ACTN4: variants seen among roughly 807,000 people sequenced by gnomAD.
ACTN4 encodes the protein actinin alpha 4, also known as alpha-actinin-4.
ACTN4 carries 18 observed loss-of-function variants against 114.2 expected under a neutral mutation model. The observed-to-expected ratio is 0.16, with a 90% CI of 0.11 to 0.23. The LOEUF is 0.23. ACTN4 is among the 10% of genes least tolerant of loss of function. ACTN4 has a pLI of 1.00. For synonymous variants in ACTN4, 515 were observed against 506.3 expected (o/e 1.02, Z -0.23); for missense variants, 722 against 1,262.9 (o/e 0.57, Z 6.49).
At chr19:38,693,827 G>T (rs1968007234) in intron 1 of ACTN4, among the ~76,000 whole-genome samples, 2 of 152,138 alleles carry the variant, frequency 1.3e-5, no homozygotes, top group African/African-American at 4.8e-5. Context: ...TGCTCTTGGG[G>T]CCCCCTGAAG....
chr19:38,721,258 CA>C (rs1306919746), intron 11 of ACTN4, among the ~76,000 whole-genome samples: 1 of 152,176 alleles, frequency 6.6e-6, no homozygotes, highest in African/African-American at 2.4e-5. Context: ...TTCCTACTAA[CA>C]AAAGTTGCTA....
intron 17 of ACTN4, 128 bp downstream of exon 17, chr19:38,726,031 A>G (rs926095062): frequency 3.0e-6 from 4 of 1,321,074 alleles, no homozygotes; most frequent in South Asian, 1.3e-5. Context: ...AAAATTATTG[A>G]AGAGACCAGC....
At chr19:38,647,998 T>C in intron 1 of ACTN4, 91 bp downstream of exon 1, 1 of 1,339,344 alleles carries the variant, frequency 7.5e-7, no homozygotes, top group Non-Finnish European at 9.6e-7. Flanking sequence ...CTGGAGCGTC[T>C]GTGATGGGAA....
intron 11 of ACTN4, among the ~76,000 whole-genome samples, chr19:38,718,920 C>CCAGTGCTCACCCTCAGA (rs1215748131): frequency 6.6e-6 from 1 of 152,208 alleles, no homozygotes; most frequent in African/African-American, 2.4e-5. Flanking sequence ...CGGACCACAG[C>CCAGTGCTCACCCTCAGA]CAGTGCTCAC....
At chr19:38,691,814 A>T (rs1454553688) in intron 1 of ACTN4, among the ~76,000 whole-genome samples, 1 of 152,072 alleles carries the variant, frequency 6.6e-6, no homozygotes, top group Non-Finnish European at 1.5e-5. Flanking sequence ...GAGGCAGGAG[A>T]ATCACTTGAA....
In ACTN4 at chr19:38,718,004, G is replaced by C. The variant is rs1212741857; in HGVS notation, c.1221G>C (p.Arg407Ser). The C allele has an allele frequency of 6.2e-7, 1 of 1,608,492 alleles. No individual in the cohort carries two copies. ...YEEWLLNEIR[R>S]LERLDHLAEK... ...AGTGGCTGCTGAATGAGATCCGCAG[G>C]CTGGAGCGGCTCGACCACCTGGCAG... Residue 407 changes from arginine to serine, a missense_variant, in exon 11 of 21, where the codon AGG (arginine) becomes AGC (serine). Coordinates refer to ENST00000252699, the MANE Select transcript of ACTN4 (RefSeq NM_004924.6).
chr19:38,728,119 C>T (rs766069069), intron 19 of ACTN4, 93 bp downstream of exon 19: 4 of 1,459,598 alleles, frequency 2.7e-6, no homozygotes, highest in Non-Finnish European at 3.8e-6. Flanking sequence ...CCACCCCTGC[C>T]ATCCTGTGTG....
At chr19:38,661,736 T>C (rs921692732) in intron 1 of ACTN4, among the ~76,000 whole-genome samples, 6 of 152,184 alleles carry the variant, frequency 3.9e-5, no homozygotes, top group African/African-American at 1.4e-4. Context: ...CACTGCAAGC[T>C]CCACCTCCCA....
intron 9 of ACTN4, among the ~76,000 whole-genome samples, chr19:38,716,668 A>G (rs1226225226): frequency 6.6e-6 from 1 of 152,240 alleles, no homozygotes; most frequent in African/African-American, 2.4e-5. Flanking sequence ...CCCCTTCTCT[A>G]TAAAAACTTA....
chr19:38,657,908 CA>C (rs1976759468), intron 1 of ACTN4, among the ~76,000 whole-genome samples: 1 of 152,176 alleles, frequency 6.6e-6, no homozygotes, highest in African/African-American at 2.4e-5. Flanking sequence ...TAACGGTTAA[CA>C]AATTACTATT....
In ACTN4 at chr19:38,647,668, T is replaced by TAGC; in HGVS notation, c.-77_-75dup. ...CGGGCTGAAGCAGCTGAAGCGGCGGTAGCGGCGGCGGCTCGGGCAGAGGGG... is the reference window on the plus strand; with the variant it reads ...CGGGCTGAAGCAGCTGAAGCGGCGGTAGCAGCGGCGGCGGCTCGGGCAGAGGGG... On this transcript the variant is annotated 5_prime_UTR_variant, in exon 1 of 21. Coordinates refer to ENST00000252699, the MANE Select transcript of ACTN4 (RefSeq NM_004924.6). 6.8e-7 allele frequency: 1 copy of TAGC among 1,474,346 alleles called. No individual in the cohort carries two copies. Among genetic ancestry groups the TAGC allele is most frequent in the Non-Finnish European group, 9.0e-7 (1 of 1,110,780 alleles). 91.3% of individuals were successfully genotyped at this position (1,474,346 alleles called of 1,614,324 possible). A position where few individuals can be genotyped will look rare whatever the true frequency, so the allele number is the denominator to read the frequency against.
In ACTN4 at chr19:38,717,191, C is replaced by T. The variant is rs760523958; in HGVS notation, c.1018C>T (p.Arg340Cys). ...QKLEDFRDYRRVHKPPKVQEK... is the reference protein window; with the variant it reads ...QKLEDFRDYRCVHKPPKVQEK... ...GCTGGAGGACTTCCGCGACTACCGGCGTGTGCACAAGCCGCCCAAGGTGCA... is the reference window on the plus strand; with the variant it reads ...GCTGGAGGACTTCCGCGACTACCGGTGTGTGCACAAGCCGCCCAAGGTGCA... Residue 340 changes from arginine to cysteine, a missense_variant, in exon 10 of 21, where the codon CGT (arginine) becomes TGT (cysteine). Arg to Cys is a radical substitution (Grantham distance 180). This residue lies in a region of ACTN4 where 523 missense variants were observed against 875.9 expected (regional missense o/e 0.60). Coordinates refer to ENST00000252699, the MANE Select transcript of ACTN4 (RefSeq NM_004924.6). The surrounding 1 kb of genome is among the most constrained non-coding windows in gnomAD (Gnocchi z 4.0). 5.6e-6 allele frequency: 9 copies of T among 1,614,160 alleles called. No individual in the cohort carries two copies. Among genetic ancestry groups the T allele is most frequent in the African/African-American group, 1.3e-5 (1 of 74,952 alleles).
intron 11 of ACTN4, among the ~76,000 whole-genome samples, chr19:38,720,449 C>T (rs58546961): frequency 7.2e-5 from 11 of 152,348 alleles, no homozygotes; most frequent in African/African-American, 2.6e-4. Context: ...ATTGCAAGGC[C>T]GCCTTGTGGC....
At chr19:38,714,393 T>A (rs1968769455) in intron 8 of ACTN4, 76 bp from the exon 9 acceptor site, 2 of 1,381,806 alleles carry the variant, frequency 1.4e-6, no homozygotes, top group Non-Finnish European at 2.0e-6. Context: ...ATGGACCAGC[T>A]GCTTTCAAGG....
Position 38,710,219 on chromosome 19 carries a change from C to T in ACTN4, c.734-38C>T, listed in dbSNP as rs766999983. ...AGTGAGTGACGCCTCCACCCCCCGC[C>T]CTACTCGGGCAGTTTAACCCTTGTT... On this transcript the variant is annotated intron_variant, in intron 7 of 20. Transcript: ENST00000252699. 64 of 1,611,732 alleles carry T rather than the reference C, an allele frequency of 4.0e-5. 1 individual carries two copies. In the Middle Eastern group the frequency reaches 8.2e-3, roughly 207 times the overall value.
chr19:38,706,010 G>C, intron 4 of ACTN4, 34 bp from the exon 5 acceptor site: 1 of 1,610,260 alleles, frequency 6.2e-7, no homozygotes, highest in Non-Finnish European at 8.5e-7. Context: ...GTTTATTTTT[G>C]AGCCAGTGCT....
In ACTN4 at chr19:38,673,937, A is replaced by G. The variant is rs1297921873; in HGVS notation, c.162+26030A>G. ...GCTGGGATTACAGGTGCCTGCCACCACGTCCGGCTAATTTTTGTATTTTTA... is the reference window on the plus strand; with the variant it reads ...GCTGGGATTACAGGTGCCTGCCACCGCGTCCGGCTAATTTTTGTATTTTTA... On this transcript the variant is annotated intron_variant, in intron 1 of 20. Transcript: ENST00000252699. Among the ~76,000 whole-genome samples, 3 of 150,444 alleles carry G rather than the reference A, an allele frequency of 2.0e-5. 1 individual carries two copies. Among genetic ancestry groups the G allele is most frequent in the African/African-American group, 7.4e-5 (3 of 40,726 alleles).
At position 38,655,279 on chromosome 19, in the gene ACTN4, G is replaced by A. The variant is rs114496867; in HGVS notation, c.162+7372G>A. The stretch of plus-strand genomic sequence containing the variant: ...AACAAAACAGTGTTGTTTCCAGGTG[G>A]TTACCACTCGGGCTGAAGGCCCCCC... On this transcript the variant is annotated intron_variant, in intron 1 of 20. Transcript: ENST00000252699. 3.9e-3 allele frequency among the ~76,000 whole-genome samples: 597 copies of A among 152,202 alleles called. 4 individuals are homozygous for A. Among genetic ancestry groups the A allele is most frequent in the African/African-American group, 0.014 (567 of 41,520 alleles).
rs1967253879 is a variant in ACTN4, at chr19:38,673,651, ATATTTATATATATTATATATATTTATAT to A, written c.162+25745_162+25772del. 5.0e-5 allele frequency among the ~76,000 whole-genome samples: 4 copies of A among 79,234 alleles called. 1 individual carries two copies. Among genetic ancestry groups the A allele is most frequent in the Non-Finnish European group, 9.8e-5 (4 of 41,002 alleles). 52.0% of individuals were successfully genotyped at this position (79,234 alleles called of 152,430 possible). ...TTCATATATATTTATATATATTTAT[ATATTTATATATATTATATATATTTATAT>A]ATTTATATATATTATATATATTTAT... On this transcript the variant is annotated intron_variant, in intron 1 of 20. Coordinates refer to ENST00000252699, the MANE Select transcript of ACTN4 (RefSeq NM_004924.6).
Sources: allele counts gnomAD v4.1 joint callset (sites outside exome capture counted in the v4.1 genomes callset), GRCh38; gene constraint gnomAD v4.1.1; regional missense constraint gnomAD v4.1.1; non-coding constraint Gnocchi (gnomAD v3.1); transcripts MANE v1.5; gene names NCBI Gene and HGNC (gene_info 2026-07-23, HGNC 2026-07-21).